Variants in PCDHGB1 observed in about 807,000 individuals in gnomAD.
PCDHGB1 encodes protocadherin gamma-B1.
Under a neutral mutation model 56.6 loss-of-function variants are expected in PCDHGB1, and 34 were observed. The observed-to-expected ratio is 0.60, with a 90% confidence interval of 0.46 to 0.80. The LOEUF (loss-of-function observed/expected upper bound fraction) is 0.80, where lower values mean the gene tolerates loss of function less well. Ranked by LOEUF, PCDHGB1 falls within the 30% of genes least tolerant of loss-of-function variation. The pLI is 0.00. For missense variants in PCDHGB1, 1,278 were observed against 1,204.6 expected, an observed-to-expected ratio of 1.06 and a Z score of -0.90; for synonymous variants, 561 against 505.9, an observed-to-expected ratio of 1.11 and a Z score of -1.46.
intron 2 of PCDHGB1, 22 bp downstream of exon 2, chr5:141,494,887 C>T (rs116522768): frequency 0.014 from 22,125 of 1,614,118 alleles, 208 homozygotes; most frequent in Middle Eastern, 0.021. Context: ...ATTCTCCAGC[C>T]CACCCTCTTC....
intron 1 of PCDHGB1, chr5:141,385,135 G>A (rs948872903): frequency 6.2e-7 from 1 of 1,614,214 alleles, no homozygotes; most frequent in Admixed American, 1.7e-5. Context: ...CATGGACGGG[G>A]TGCAGGCTTT....
At chr5:141,413,454 G>A (rs765318722) in intron 1 of PCDHGB1, 46 of 1,614,026 alleles carry the variant, frequency 2.9e-5, no homozygotes, top group Non-Finnish European at 3.7e-5. Flanking sequence ...CCGCGGGCAG[G>A]ATAGACCGGG....
In PCDHGB1 at chr5:141,431,878, C is replaced by T. The variant is rs2097425306; in HGVS notation, c.2410-62929C>T. The T allele has an allele frequency of 1.2e-6, 2 of 1,614,054 alleles. No individual in the cohort carries two copies. The highest frequency in any genetic ancestry group is 1.7e-5 in the Admixed American group (1 of 60,010). ...TAATTGCCCTTTTAAATGTAAATGACCAAGATTCTGAGGAAAACGGACAGG... is the reference window on the plus strand; with the variant it reads ...TAATTGCCCTTTTAAATGTAAATGATCAAGATTCTGAGGAAAACGGACAGG... On this transcript the variant is annotated intron_variant, in intron 1 of 3. Transcript: ENST00000523390. The surrounding 1 kb of genome is among the most constrained non-coding windows in gnomAD (Gnocchi z 4.8).
Position 141,485,113 on chromosome 5 carries a change from T to G in PCDHGB1, c.2410-9694T>G. On this transcript the variant is annotated intron_variant, in intron 1 of 3. Transcript: ENST00000523390. This position sits in a 1 kb window ranked among gnomAD's most constrained non-coding sequence, Gnocchi z 5.7. ...AGGTGTCTCCAGCTGCTGTGGCTGTTTGGGGCGGGTCGGCTTCATCCGCGT... is the reference window on the plus strand; with the variant it reads ...AGGTGTCTCCAGCTGCTGTGGCTGTGTGGGGCGGGTCGGCTTCATCCGCGT... 1 of 1,286,014 alleles carries G rather than the reference T, an allele frequency of 7.8e-7. No individual in the cohort carries two copies. Among genetic ancestry groups the G allele is most frequent in the Non-Finnish European group, 1.1e-6 (1 of 898,642 alleles). 79.7% of individuals were successfully genotyped at this position (1,286,014 alleles called of 1,614,324 possible). A position where few individuals can be genotyped will look rare whatever the true frequency, so the allele number is the denominator to read the frequency against.
chr5:141,361,451 C>T (rs1762026624), intron 1 of PCDHGB1: 1 of 1,614,034 alleles, frequency 6.2e-7, no homozygotes, highest in Non-Finnish European at 8.5e-7. Flanking sequence ...ATAATTGTCA[C>T]CCTGCACATC....
intron 1 of PCDHGB1, among the ~76,000 whole-genome samples, chr5:141,453,357 C>T (rs1027586816): frequency 1.3e-5 from 2 of 152,002 alleles, no homozygotes; most frequent in Admixed American, 6.6e-5. Flanking sequence ...TGACCCTGAA[C>T]TCCTGGGGTC....
At chr5:141,353,104 G>A (rs1481867044) in intron 1 of PCDHGB1, among the ~76,000 whole-genome samples, 1 of 152,134 alleles carries the variant, frequency 6.6e-6, no homozygotes, top group Non-Finnish European at 1.5e-5. Flanking sequence ...GTACTAGATA[G>A]ATGGAGATTG....
At chr5:141,397,960 A>C in intron 1 of PCDHGB1, 2 of 1,021,904 alleles carry the variant, frequency 2.0e-6, no homozygotes, top group East Asian at 2.6e-5. Context: ...GCCCCAGCTC[A>C]GACTCCCCAG....
At position 141,438,631 on chromosome 5, in the gene PCDHGB1, T is replaced by C. The variant is rs1227796079; in HGVS notation, c.2410-56176T>C. 6.5e-4 allele frequency among the ~76,000 whole-genome samples: 28 copies of C among 43,202 alleles called. 1 individual carries two copies. Among genetic ancestry groups the C allele is most frequent in the Non-Finnish European group, 8.8e-4 (23 of 26,272 alleles). 28.3% of individuals were successfully genotyped at this position (43,202 alleles called of 152,430 possible). On this transcript the variant is annotated intron_variant, in intron 1 of 3. Transcript: ENST00000523390. ...ATATATATATATATATATATATATATATATACACACACACACACACATATA... is the reference window on the plus strand; with the variant it reads ...ATATATATATATATATATATATATACATATACACACACACACACACATATA...
In PCDHGB1 at chr5:141,511,032, G is replaced by C. The variant is rs779589499; in HGVS notation, c.2643G>C (p.Gln881His). Residue 881 changes from glutamine to histidine, a missense_variant, in exon 4 of 4, where the codon CAG (glutamine) becomes CAC (histidine). Gln to His is a conservative substitution (Grantham distance 24). Coordinates refer to ENST00000523390, the MANE Select transcript of PCDHGB1 (RefSeq NM_018922.3). ...SARYGPQFTL[Q>H]HVPDYRQNVY... ...GCTACGGACCCCAGTTCACCCTGCA[G>C]CACGTGCCCGACTACCGCCAGAATG... 6.2e-7 allele frequency: 1 copy of C among 1,614,228 alleles called. No individual in the cohort carries two copies. The highest frequency in any genetic ancestry group is 8.5e-7 in the Non-Finnish European group (1 of 1,180,036).
chr5:141,361,797 C>T, intron 1 of PCDHGB1: 3 of 1,613,222 alleles, frequency 1.9e-6, no homozygotes, highest in Non-Finnish European at 2.5e-6. Flanking sequence ...TAGTGGGCGA[C>T]CTCAATGACA....
intron 1 of PCDHGB1, among the ~76,000 whole-genome samples, chr5:141,466,008 G>C (rs1298363274): frequency 6.6e-6 from 1 of 151,970 alleles, no homozygotes; most frequent in Non-Finnish European, 1.5e-5. Flanking sequence ...TGTAGTCCCA[G>C]CTACTCGGGA....
intron 1 of PCDHGB1, chr5:141,405,042 T>C (rs765018710): frequency 1.2e-6 from 2 of 1,613,144 alleles, no homozygotes; most frequent in South Asian, 1.1e-5. Flanking sequence ...GTTGTGGCTG[T>C]GGCAGTCGTC....
chr5:141,396,882 G>C (rs2093447309), intron 1 of PCDHGB1, among the ~76,000 whole-genome samples: 3 of 152,208 alleles, frequency 2.0e-5, no homozygotes, highest in African/African-American at 7.2e-5. Flanking sequence ...GCACATTTGA[G>C]AGGACAACAT....
At position 141,354,490 on chromosome 5, in the gene PCDHGB1, C is replaced by T. The variant is rs990013308; in HGVS notation, c.2409+1821C>T. On this transcript the variant is annotated intron_variant, in intron 1 of 3. Coordinates refer to ENST00000523390, the MANE Select transcript of PCDHGB1 (RefSeq NM_018922.3). Reference sequence around the variant, plus strand: ...GTACAGGGTAAGGCTAACTCTTGAACAGTAGGTGAGTTTTTTGCAAGGGAA... The same window carrying T: ...GTACAGGGTAAGGCTAACTCTTGAATAGTAGGTGAGTTTTTTGCAAGGGAA... Among the ~76,000 whole-genome samples, 11 of 152,206 alleles carry T rather than the reference C, an allele frequency of 7.2e-5. 1 individual carries two copies. Among genetic ancestry groups the T allele is most frequent in the Non-Finnish European group, 1.5e-4 (10 of 68,048 alleles).
chr5:141,478,396 G>T (rs150499152), intron 1 of PCDHGB1: 2 of 1,613,446 alleles, frequency 1.2e-6, no homozygotes, highest in African/African-American at 2.7e-5. Flanking sequence ...ACCATCAGGT[G>T]TATCTCACCA....
intron 1 of PCDHGB1, among the ~76,000 whole-genome samples, chr5:141,359,096 T>C (rs1761115618): frequency 1.3e-5 from 2 of 152,222 alleles, no homozygotes; most frequent in Non-Finnish European, 2.9e-5. Context: ...TTCTACATGG[T>C]TTTGTATTCA....
In PCDHGB1 at chr5:141,418,939, C is replaced by T. The variant is rs766248741; in HGVS notation, c.2409+66270C>T. The T allele has an allele frequency of 8.7e-6, 14 of 1,613,642 alleles. No individual in the cohort carries two copies. In the African/African-American group the frequency reaches 1.7e-4, roughly 20 times the overall value. On this transcript the variant is annotated intron_variant, in intron 1 of 3. Transcript: ENST00000523390. ...TCTCTGATCAGATTATGGAGGATTC[C>T]CCTCCAGGAGTGGTTGTTGCCCTCT...
At chr5:141,465,144 T>A (rs965605798) in intron 1 of PCDHGB1, among the ~76,000 whole-genome samples, 4 of 152,008 alleles carry the variant, frequency 2.6e-5, no homozygotes, top group Admixed American at 6.6e-5. Flanking sequence ...TTAGGGGATA[T>A]ATGAAGGGAC....
Sources: allele counts gnomAD v4.1 joint callset (sites outside exome capture counted in the v4.1 genomes callset), GRCh38; gene constraint gnomAD v4.1.1; non-coding constraint Gnocchi (gnomAD v3.1); transcripts MANE v1.5; gene names NCBI Gene and HGNC (gene_info 2026-07-23, HGNC 2026-07-21).